SGIP1: variants seen among roughly 807,000 people sequenced by gnomAD.
The protein encoded by SGIP1 is SH3-containing GRB2-like protein 3-interacting protein 1.
A neutral mutation model predicts 107.5 loss-of-function variants in SGIP1; 38 were observed. The observed-to-expected ratio is 0.35, with a 90% CI of 0.27 to 0.46. The LOEUF (loss-of-function observed/expected upper bound fraction) is 0.46, where lower values mean the gene tolerates loss of function less well. Among genes scored for constraint, SGIP1 ranks in the 20% least tolerant of loss-of-function variants. The probability of loss-of-function intolerance (pLI) is 1.00; values close to 1 mark genes in which losing one functional copy is unlikely to be tolerated. For missense variants in SGIP1, 929 were observed against 1,019.5 expected (o/e 0.91, Z 1.21); for synonymous variants, 365 against 366.1 (o/e 1.00, Z 0.03).
intron 1 of SGIP1, among the ~76,000 whole-genome samples, chr1:66,579,946 T>G (rs58274265): frequency 0.19 from 29,178 of 152,018 alleles, 3,370 homozygotes; most frequent in African/African-American, 0.33. Context: ...ACTATTCTAT[T>G]ATCTCTACTG....
At chr1:66,658,562 TATA>T (rs1475332585) in intron 7 of SGIP1, among the ~76,000 whole-genome samples, 1 of 152,214 alleles carries the variant, frequency 6.6e-6, no homozygotes, top group Non-Finnish European at 1.5e-5. Flanking sequence ...CAAACATTTG[TATA>T]ATGTTTCAAT....
At chr1:66,703,801 G>A (rs916286718) in intron 18 of SGIP1, among the ~76,000 whole-genome samples, 26 of 151,054 alleles carry the variant, frequency 1.7e-4, no homozygotes, top group African/African-American at 6.1e-4. Context: ...TGATATATAT[G>A]AAATATGGAA....
chr1:66,695,608 G>A, intron 18 of SGIP1, 115 bp downstream of exon 18: 1 of 958,526 alleles, frequency 1.0e-6, no homozygotes, highest in Non-Finnish European at 1.5e-6. Context: ...CTTTCTATAT[G>A]AAAATGCTAT....
At chr1:66,728,952 T>C (rs1012570383) in intron 19 of SGIP1, among the ~76,000 whole-genome samples, 62 of 151,792 alleles carry the variant, frequency 4.1e-4, no homozygotes, top group Admixed American at 4.1e-3. Flanking sequence ...AGGGCCTGCT[T>C]GAGGGAGGAG....
chr1:66,564,975 A>G (rs1486259023), intron 1 of SGIP1, among the ~76,000 whole-genome samples: 1 of 151,906 alleles, frequency 6.6e-6, no homozygotes, highest in East Asian at 1.9e-4. Context: ...ATCAGTCCTC[A>G]TTTTCCAAAT....
At position 66,746,372 on chromosome 1, in the gene SGIP1, C is replaced by G. The variant is rs2094553045; in HGVS notation, c.*3277C>G. 1 of 152,112 alleles carries G rather than the reference C, an allele frequency of 6.6e-6. No homozygotes were observed. The highest frequency in any genetic ancestry group is 1.5e-5 in the Non-Finnish European group (1 of 67,960). 9.4% of individuals were successfully genotyped at this position (152,112 alleles called of 1,614,324 possible). A position where few individuals can be genotyped will look rare whatever the true frequency, so the allele number is the denominator to read the frequency against. On this transcript the variant is annotated 3_prime_UTR_variant, in exon 25 of 25. Transcript: ENST00000371037. The stretch of plus-strand genomic sequence containing the variant: ...AGCTCAAAGCAATGCAGGAGTTTCT[C>G]CAACAGTTTAAATTGGGGCTCCCCA...
At position 66,749,369 on chromosome 1, in the gene SGIP1, A is replaced by G. The variant is rs1020378986; in HGVS notation, c.*6274A>G. On this transcript the variant is annotated 3_prime_UTR_variant, in exon 25 of 25. Coordinates refer to ENST00000371037, the MANE Select transcript of SGIP1 (RefSeq NM_032291.4). ...AAATTATATTAAAAACACTTTGGGG[A>G]AAGCTAAGAGCAGTGCACTGTTTAG... Among the ~76,000 whole-genome samples the G allele has an allele frequency of 5.3e-5, 8 of 151,990 alleles. 2 individuals are homozygous for G. Among genetic ancestry groups the G allele is most frequent in the Admixed American group, 3.3e-4 (5 of 15,266 alleles).
At chr1:66,612,213 G>T (rs1048570221) in intron 1 of SGIP1, among the ~76,000 whole-genome samples, 4 of 152,164 alleles carry the variant, frequency 2.6e-5, no homozygotes, top group African/African-American at 4.8e-5. Context: ...TTAACAACCA[G>T]CTCTCATAGA....
chr1:66,593,580 A>C (rs1051598250), intron 1 of SGIP1, among the ~76,000 whole-genome samples: 1 of 152,192 alleles, frequency 6.6e-6, no homozygotes, highest in Non-Finnish European at 1.5e-5. Flanking sequence ...TATGAGCTAC[A>C]AGGCACAATG....
chr1:66,679,201 A>G (rs2086080631), intron 13 of SGIP1, among the ~76,000 whole-genome samples: 1 of 152,244 alleles, frequency 6.6e-6, no homozygotes, highest in Non-Finnish European at 1.5e-5. Flanking sequence ...CTGGACACTA[A>G]GATCCTGACT....
intron 7 of SGIP1, among the ~76,000 whole-genome samples, chr1:66,649,433 C>T (rs1287809699): frequency 1.3e-5 from 2 of 152,138 alleles, no homozygotes; most frequent in African/African-American, 2.4e-5. Context: ...TTCTTTCTGT[C>T]TGAAATGGGA....
chr1:66,540,734 G>C (rs2054730609), intron 1 of SGIP1, among the ~76,000 whole-genome samples: 1 of 152,160 alleles, frequency 6.6e-6, no homozygotes, highest in Non-Finnish European at 1.5e-5. Context: ...TTATGCAGTT[G>C]GGCTTTTTGG....
At chr1:66,726,346 A>T (rs1365865118) in intron 19 of SGIP1, among the ~76,000 whole-genome samples, 2 of 152,206 alleles carry the variant, frequency 1.3e-5, no homozygotes, top group African/African-American at 2.4e-5. Context: ...TGGAACGGGG[A>T]GGCAATGATT....
intron 2 of SGIP1, chr1:66,628,640 A>G (rs1024643206): frequency 5.8e-5 from 9 of 154,026 alleles, no homozygotes; most frequent in African/African-American, 2.2e-4. Flanking sequence ...TTGGAATGGA[A>G]AAAAGCTTTC....
chr1:66,599,628 A>G (rs957222090), intron 1 of SGIP1, among the ~76,000 whole-genome samples: 7 of 152,168 alleles, frequency 4.6e-5, no homozygotes, highest in African/African-American at 1.7e-4. Context: ...TTATTTAACT[A>G]CGGGTGTATT....
Position 66,630,867 on chromosome 1 carries a change from GAAAGAAAGAAAGAAAGAAAGAAAGAAA to G in SGIP1, c.75-2202_75-2176del, listed in dbSNP as rs2149367013. Among the ~76,000 whole-genome samples, 20 of 36,234 alleles carry G rather than the reference GAAAGAAAGAAAGAAAGAAAGAAAGAAA, an allele frequency of 5.5e-4. 2 individuals are homozygous for G. Among genetic ancestry groups the G allele is most frequent in the African/African-American group, 2.1e-3 (15 of 7,042 alleles). 23.8% of individuals were successfully genotyped at this position (36,234 alleles called of 152,430 possible). ...AGAAAGAAAGAAAGAAAGAAAGAAAGAAAGAAAGAAAGAAAGAAAGAAAGAAAGAAAGAAAGAAGGGAGGGAGGGAGG... is the reference window on the plus strand; with the variant it reads ...AGAAAGAAAGAAAGAAAGAAAGAAAGGAAAGAAAGAAGGGAGGGAGGGAGG... On this transcript the variant is annotated intron_variant, in intron 2 of 24. Coordinates refer to ENST00000371037, the MANE Select transcript of SGIP1 (RefSeq NM_032291.4).
intron 18 of SGIP1, among the ~76,000 whole-genome samples, chr1:66,705,667 T>C (rs1183478855): frequency 1.3e-5 from 2 of 152,150 alleles, no homozygotes; most frequent in South Asian, 2.1e-4. Context: ...ATCAGTCCCA[T>C]TGGGAGAATA....
intron 15 of SGIP1, among the ~76,000 whole-genome samples, chr1:66,686,800 C>G (rs78137332): frequency 0.015 from 2,284 of 152,300 alleles, 20 homozygotes; most frequent in Non-Finnish European, 0.025. Flanking sequence ...AAACAATTAA[C>G]TTTTCAATGA....
At chr1:66,687,717 G>T (rs2088772088) in intron 15 of SGIP1, among the ~76,000 whole-genome samples, 1 of 152,172 alleles carries the variant, frequency 6.6e-6, no homozygotes, top group African/African-American at 2.4e-5. Context: ...TACCTCCAAA[G>T]CTTATCAGGG....
Sources: allele counts gnomAD v4.1 joint callset (sites outside exome capture counted in the v4.1 genomes callset), GRCh38; gene constraint gnomAD v4.1.1; transcripts MANE v1.5; gene names NCBI Gene and HGNC (gene_info 2026-07-23, HGNC 2026-07-21).